STARD9: variants seen among roughly 807,000 people sequenced by gnomAD.
STARD9 encodes stAR-related lipid transfer protein 9.
In STARD9, 346 loss-of-function variants were observed where a neutral mutation model predicts 399.8. The observed-to-expected ratio is 0.87, with a 90% CI of 0.79 to 0.95. The LOEUF is 0.95. Among genes scored for constraint, STARD9 ranks in the 40% least tolerant of loss-of-function variants. The pLI is 0.00. For synonymous variants in STARD9, 2,203 were observed against 2,143.5 expected (o/e 1.03, Z -0.77); for missense variants, 5,832 against 5,667.5 (o/e 1.03, Z -0.93).
chr15:42,665,978 T>G, intron 15 of STARD9, 130 bp downstream of exon 15: 1 of 774,426 alleles, frequency 1.3e-6, no homozygotes. Context: ...AATGTTTGTT[T>G]CCTTTAAGCC....
chr15:42,704,535 A>G (rs1017365707), intron 26 of STARD9, among the ~76,000 whole-genome samples: 1 of 152,154 alleles, frequency 6.6e-6, no homozygotes, highest in Non-Finnish European at 1.5e-5. Context: ...AAGGAGCCTG[A>G]CTGTTGAGTT....
At chr15:42,618,578 AAG>A (rs1383379494) in intron 3 of STARD9, among the ~76,000 whole-genome samples, 2 of 151,926 alleles carry the variant, frequency 1.3e-5, no homozygotes, top group Non-Finnish European at 2.9e-5. Context: ...CTTGAAAAAA[AAG>A]TTGTCTTTTT....
At chr15:42,635,071 C>A in intron 4 of STARD9, 99 bp downstream of exon 4, 1 of 599,170 alleles carries the variant, frequency 1.7e-6, no homozygotes, top group Non-Finnish European at 2.7e-6. Context: ...TGTAGGCAGT[C>A]AACTTTAAAG....
chr15:42,702,091 A>G (rs565782439), intron 26 of STARD9, among the ~76,000 whole-genome samples: 1 of 151,604 alleles, frequency 6.6e-6, no homozygotes, highest in Non-Finnish European at 1.5e-5. Flanking sequence ...AACAGATATT[A>G]GGCATTCTTC....
chr15:42,695,315 C>G lies in STARD9; in HGVS notation c.13138C>G (p.Leu4380Val). Reference protein sequence around the residue: ...LRIHQKIISQLLKEEDKLHTL... With the variant: ...LRIHQKIISQVLKEEDKLHTL... ...AATCCACCAGAAGATCATTTCCCAGCTATTGAAGGTGTGGAGTGGGGCATG... is the reference window on the plus strand; with the variant it reads ...AATCCACCAGAAGATCATTTCCCAGGTATTGAAGGTGTGGAGTGGGGCATG... The change falls in exon 25 of 33, where the codon CTA becomes GTA. Residue 4380 changes from leucine to valine, a missense_variant. By Grantham distance (32) the Leu-to-Val change is conservative. Around this residue, in one of 2 missense-constraint regions of STARD9, gnomAD observed 5,828 missense variants for 5,651.1 expected, o/e 1.03. Coordinates refer to ENST00000290607, the MANE Select transcript of STARD9 (RefSeq NM_020759.3). 6.5e-7 allele frequency: 1 copy of G among 1,532,308 alleles called. No individual in the cohort carries two copies. Among genetic ancestry groups the G allele is most frequent in the Non-Finnish European group, 8.7e-7 (1 of 1,143,758 alleles). 94.9% of individuals were successfully genotyped at this position (1,532,308 alleles called of 1,614,324 possible).
intron 10 of STARD9, among the ~76,000 whole-genome samples, chr15:42,661,932 T>G (rs1313773840): frequency 6.6e-6 from 1 of 152,184 alleles, no homozygotes; most frequent in Non-Finnish European, 1.5e-5. Context: ...GTACAACTTT[T>G]CTCTTTGATT....
Position 42,637,109 on chromosome 15 carries a change from C to T in STARD9, c.352-798C>T, listed in dbSNP as rs551970799. On this transcript the variant is annotated intron_variant, in intron 4 of 32. Transcript: ENST00000290607. ...AAAAAAAAAGAAATTGGCCACTAAA[C>T]GAAAAGTATAAAGCCCTTAACCGAG... Among the ~76,000 whole-genome samples the T allele has an allele frequency of 7.5e-4, 112 of 149,808 alleles. 3 individuals are homozygous for T. In the South Asian group the frequency reaches 0.022, roughly 30 times the overall value.
Position 42,685,494 on chromosome 15 carries a change from G to T in STARD9, c.3916G>T (p.Ala1306Ser). Residue 1306 changes from alanine (A) to serine (S), a missense_variant, in exon 23 of 33, where the codon GCT becomes TCT. By Grantham distance (99) the Ala-to-Ser change is moderately conservative. Coordinates refer to ENST00000290607, the MANE Select transcript of STARD9 (RefSeq NM_020759.3). ...HCELQPHCEQAESQVEPSYSE... is the reference protein window; with the variant it reads ...HCELQPHCEQSESQVEPSYSE... The stretch of plus-strand genomic sequence containing the variant: ...TGAGCTCCAGCCCCATTGTGAGCAG[G>T]CTGAATCACAGGTAGAGCCAAGCTA... 1 of 1,534,626 alleles carries T rather than the reference G, an allele frequency of 6.5e-7. No individual in the cohort carries two copies. The highest frequency in any genetic ancestry group is 8.7e-7 in the Non-Finnish European group (1 of 1,145,102).
chr15:42,664,789 A>AACACACACACACACACACACACACACAC (rs55773330), intron 13 of STARD9, among the ~76,000 whole-genome samples: 2 of 144,824 alleles, frequency 1.4e-5, no homozygotes, highest in African/African-American at 5.0e-5. Context: ...TTTATCCTTT[A>AACACACACACACACACACACACACACAC]ACACACACAC....
At chr15:42,655,461 A>G (rs1804580999) in intron 9 of STARD9, among the ~76,000 whole-genome samples, 1 of 152,258 alleles carries the variant, frequency 6.6e-6, no homozygotes, top group Admixed American at 6.5e-5. Flanking sequence ...ATCTTTGACA[A>G]AGCAAACAAA....
rs371614413 is a variant in STARD9, at chr15:42,719,623, A to G, written c.*49A>G. On this transcript the variant is annotated 3_prime_UTR_variant, in exon 33 of 33. Transcript: ENST00000290607. ...GCTGAGATGCAGGCCCAGGCTGCTC[A>G]AGAGAGACACTGTGGCAGCTCCTTG... 1.3e-3 allele frequency: 1,544 copies of G among 1,216,666 alleles called. 2 individuals are homozygous for G. The highest frequency in any genetic ancestry group is 1.7e-3 in the Non-Finnish European group (1,437 of 858,944). The allele number at this position is 1,216,666 out of a possible 1,614,324, so 75.4% of individuals were successfully genotyped here.
chr15:42,690,493 CTACTT>C lies in STARD9; in HGVS notation c.8920_8924del (p.Leu2974ValfsTer3). On this transcript the variant is annotated frameshift_variant, in exon 23 of 33. Transcript: ENST00000290607. LOFTEE classifies it high-confidence loss of function. ...ACTCATGCTTATTCCTCCCATTCCT[CTACTT>C]TACTGTGTTTTAGAGATGGTGACCT... 1 of 1,537,218 alleles carries C rather than the reference CTACTT, an allele frequency of 6.5e-7. No individual in the cohort carries two copies. The highest frequency in any genetic ancestry group is 1.2e-5 in the South Asian group (1 of 84,068).
intron 1 of STARD9, among the ~76,000 whole-genome samples, chr15:42,578,023 C>T (rs1398450716): frequency 1.3e-5 from 2 of 152,084 alleles, no homozygotes; most frequent in African/African-American, 4.8e-5. Context: ...TTCATTAGAC[C>T]TACTGCTCTT....
intron 2 of STARD9, among the ~76,000 whole-genome samples, chr15:42,583,753 C>T (rs2058219873): frequency 6.6e-6 from 1 of 152,136 alleles, no homozygotes; most frequent in South Asian, 2.1e-4. Flanking sequence ...TTTAACTCAC[C>T]TGACCACCAG....
intron 3 of STARD9, among the ~76,000 whole-genome samples, chr15:42,591,260 G>A (rs2058386890): frequency 6.6e-6 from 1 of 152,178 alleles, no homozygotes; most frequent in South Asian, 2.1e-4. Context: ...GGCCAAGGCG[G>A]GTGGATCACC....
intron 3 of STARD9, among the ~76,000 whole-genome samples, chr15:42,614,371 A>G (rs2058914243): frequency 1.3e-5 from 2 of 152,026 alleles, no homozygotes; most frequent in African/African-American, 4.8e-5. Context: ...GTTCAGTAGA[A>G]AAACAGTCGA....
At chr15:42,694,414 T>A in intron 23 of STARD9, 72 bp downstream of exon 23, 1 of 1,527,554 alleles carries the variant, frequency 6.5e-7, no homozygotes, top group Non-Finnish European at 8.8e-7. Context: ...AGAAAGCTAA[T>A]AGCTTGCTGT....
At chr15:42,663,113 T>G in intron 11 of STARD9, 168 bp from the exon 12 acceptor site, 1 of 751,686 alleles carries the variant, frequency 1.3e-6, no homozygotes, top group Admixed American at 2.9e-5. Flanking sequence ...ACTCAAACAT[T>G]CCATATCGTG....
chr15:42,580,119 G>A lies in STARD9; in HGVS notation c.48-3227G>A, dbSNP rs554443260. ...AAAAATACCTGCACAAATGTGCTAA[G>A]TAAAAGAATGGGAAGATGAACTATA... On this transcript the variant is annotated intron_variant, in intron 1 of 32. Transcript: ENST00000290607. Among the ~76,000 whole-genome samples, 4 of 152,334 alleles carry A rather than the reference G, an allele frequency of 2.6e-5. No homozygotes were observed. The South Asian group carries it at 6.2e-4, about 24-fold the overall frequency.
Sources: allele counts gnomAD v4.1 joint callset (sites outside exome capture counted in the v4.1 genomes callset), GRCh38; gene constraint gnomAD v4.1.1; regional missense constraint gnomAD v4.1.1; transcripts MANE v1.5; gene names NCBI Gene and HGNC (gene_info 2026-07-23, HGNC 2026-07-21).